SMAD3: variants seen among roughly 807,000 people sequenced by gnomAD.
The protein encoded by SMAD3 is SMAD family member 3.
A neutral mutation model predicts 51.8 loss-of-function variants in SMAD3; 12 were observed. That is an observed-to-expected ratio of 0.23 (90% CI 0.15 to 0.38). The LOEUF is 0.38. Among genes scored for constraint, SMAD3 ranks in the 10% least tolerant of loss-of-function variants. The probability of loss-of-function intolerance (pLI) is 1.00; values close to 1 mark genes in which losing one functional copy is unlikely to be tolerated. For missense variants in SMAD3, 294 were observed against 565.6 expected (o/e 0.52, Z 4.87); for synonymous variants, 238 against 227.7 (o/e 1.05, Z -0.41).
intron 1 of SMAD3, among the ~76,000 whole-genome samples, chr15:67,079,468 A>G (rs1291462999): frequency 6.6e-6 from 1 of 152,164 alleles, no homozygotes; most frequent in Non-Finnish European, 1.5e-5. Flanking sequence ...GCCTTGTACT[A>G]GAAGCTTAGG....
intron 1 of SMAD3, chr15:67,126,083 G>A: frequency 1.8e-6 from 1 of 549,396 alleles, no homozygotes; most frequent in Non-Finnish European, 2.3e-6. Flanking sequence ...GAGTCCTTAG[G>A]GAATTGCGTA....
At chr15:67,107,850 G>C (rs904745239) in intron 1 of SMAD3, among the ~76,000 whole-genome samples, 1 of 152,174 alleles carries the variant, frequency 6.6e-6, no homozygotes, top group Non-Finnish European at 1.5e-5. Context: ...AGGATTATCT[G>C]AGGCTTGAGG....
intron 1 of SMAD3, among the ~76,000 whole-genome samples, chr15:67,148,799 A>G (rs183160020): frequency 9.6e-4 from 146 of 152,332 alleles, no homozygotes; most frequent in African/African-American, 3.3e-3. Flanking sequence ...GGTACTATGA[A>G]GCTTACCAGT....
intron 1 of SMAD3, among the ~76,000 whole-genome samples, chr15:67,107,739 C>T (rs1318472382): frequency 2.0e-5 from 3 of 152,218 alleles, no homozygotes; most frequent in African/African-American, 7.2e-5. Context: ...CTCACCCTTC[C>T]CTTCCATAGG....
chr15:67,187,286 A>C, intron 7 of SMAD3, 79 bp from the exon 8 acceptor site: 3 of 1,566,486 alleles, frequency 1.9e-6, no homozygotes, highest in Non-Finnish European at 2.6e-6. Flanking sequence ...TAGGGGGTCC[A>C]GGACTTGCTT....
At position 67,181,183 on chromosome 15, in the gene SMAD3, C is replaced by T. The variant is rs940657791; in HGVS notation, c.659-58C>T. The T allele has an allele frequency of 3.0e-5, 40 of 1,318,942 alleles. 1 individual carries two copies. The highest frequency in any genetic ancestry group is 3.9e-5 in the Non-Finnish European group (36 of 921,056). The allele number at this position is 1,318,942 out of a possible 1,614,324, so 81.7% of individuals were successfully genotyped here. A position where few individuals can be genotyped will look rare whatever the true frequency, so the allele number is the denominator to read the frequency against. On this transcript the variant is annotated intron_variant, in intron 5 of 8. Transcript: ENST00000327367. ...TTCCAGAGTGTCCATGGGACCCCAT[C>T]GAGGGAGCATGGGGCTTGGGACACC... is the stretch of plus-strand genomic sequence containing the variant.
In SMAD3 at chr15:67,083,786, A is replaced by G. The variant is rs572779316; in HGVS notation, c.206+17426A>G. On this transcript the variant is annotated intron_variant, in intron 1 of 8. Coordinates refer to ENST00000327367, the MANE Select transcript of SMAD3 (RefSeq NM_005902.4). ...ATTTCTTCTTCTTTCTCCTCACACA[A>G]CCTACTCTGATGTTCATGATTACTG... Among the ~76,000 whole-genome samples the G allele has an allele frequency of 8.3e-4, 127 of 152,266 alleles. 1 individual carries two copies. The highest frequency in any genetic ancestry group is 2.3e-3 in the Admixed American group (35 of 15,294).
chr15:67,191,351 C>G lies in SMAD3; in HGVS notation c.*815C>G, dbSNP rs555675656. ...AGAGATTCGAATGACGGTAAGTGTTCTCATGAAGCAGGAGGCCCTTGTCGT... is the reference window on the plus strand; with the variant it reads ...AGAGATTCGAATGACGGTAAGTGTTGTCATGAAGCAGGAGGCCCTTGTCGT... On this transcript the variant is annotated 3_prime_UTR_variant, in exon 9 of 9. Coordinates refer to ENST00000327367, the MANE Select transcript of SMAD3 (RefSeq NM_005902.4). The G allele has an allele frequency of 2.1e-5, 5 of 233,326 alleles. No individual in the cohort carries two copies. The highest frequency in any genetic ancestry group is 6.6e-5 in the African/African-American group (3 of 45,354). The allele number at this position is 233,326 out of a possible 1,614,324, so 14.5% of individuals were successfully genotyped here. A position where few individuals can be genotyped will look rare whatever the true frequency, so the allele number is the denominator to read the frequency against.
chr15:67,149,315 G>T (rs1246570484), intron 1 of SMAD3, among the ~76,000 whole-genome samples: 1 of 152,212 alleles, frequency 6.6e-6, no homozygotes, highest in Non-Finnish European at 1.5e-5. Flanking sequence ...AGGAAGTGGG[G>T]GTGAGGTGGT....
intron 8 of SMAD3, among the ~76,000 whole-genome samples, chr15:67,188,156 T>C (rs1455321895): frequency 5.1e-4 from 74 of 145,626 alleles, no homozygotes; most frequent in African/African-American, 1.6e-3. Context: ...TTCTTTTTTT[T>C]TTTTTTTTTT....
intron 1 of SMAD3, among the ~76,000 whole-genome samples, chr15:67,130,208 CAGAG>C (rs1219174427): frequency 6.6e-6 from 1 of 152,192 alleles, no homozygotes; most frequent in African/African-American, 2.4e-5. Context: ...AACAGAAACT[CAGAG>C]AGGCCCAGCA....
chr15:67,146,650 T>C (rs537088144), intron 1 of SMAD3, among the ~76,000 whole-genome samples: 6 of 152,168 alleles, frequency 3.9e-5, no homozygotes, highest in Non-Finnish European at 7.3e-5. Flanking sequence ...TATTTTCCTT[T>C]GAGGACATCT....
chr15:67,108,621 C>G (rs550602308), intron 1 of SMAD3, among the ~76,000 whole-genome samples: 1 of 152,248 alleles, frequency 6.6e-6, no homozygotes, highest in South Asian at 2.1e-4. Flanking sequence ...TCTCACAGTC[C>G]CAGGCAGTGA....
At chr15:67,170,271 A>G (rs932629784) in intron 4 of SMAD3, among the ~76,000 whole-genome samples, 2 of 152,204 alleles carry the variant, frequency 1.3e-5, no homozygotes, top group African/African-American at 2.4e-5. Context: ...CTGAGCTGGG[A>G]GTCTTGGTTA....
chr15:67,159,812 G>A (rs1962379618), intron 1 of SMAD3, among the ~76,000 whole-genome samples: 1 of 152,148 alleles, frequency 6.6e-6, no homozygotes, highest in Non-Finnish European at 1.5e-5. Flanking sequence ...CTTTCACGCA[G>A]CATCATTAAT....
intron 5 of SMAD3, 120 bp from the exon 6 acceptor site, chr15:67,181,121 G>A: frequency 1.3e-6 from 1 of 779,056 alleles, no homozygotes; most frequent in Non-Finnish European, 2.2e-6. Flanking sequence ...CATGGGGTAG[G>A]GAGATTATAA....
At chr15:67,164,754 T>C (rs1962528674) in intron 1 of SMAD3, 141 bp from the exon 2 acceptor site, 3 of 903,948 alleles carry the variant, frequency 3.3e-6, no homozygotes, top group South Asian at 1.3e-5. Context: ...CTAGCAGTGC[T>C]CTGATCTCCT....
chr15:67,164,315 A>AG (rs1962513659), intron 1 of SMAD3, among the ~76,000 whole-genome samples: 2 of 63,524 alleles, frequency 3.1e-5, no homozygotes, highest in South Asian at 4.9e-4. Context: ...ACTCCGTCTC[A>AG]GAAAAAAAAA....
rs529315319 is a variant in SMAD3 at position 67,159,457 on chromosome 15, A to G, written c.207-5438A>G. Among the ~76,000 whole-genome samples, 8 of 152,304 alleles carry G rather than the reference A, an allele frequency of 5.3e-5. No homozygotes were observed. In the South Asian group the frequency reaches 1.0e-3, roughly 20 times the overall value. On this transcript the variant is annotated intron_variant, in intron 1 of 8. Coordinates refer to ENST00000327367, the MANE Select transcript of SMAD3 (RefSeq NM_005902.4). ...GTTAGCAAGTACTGAACCATTATTTAAACTGAGGCTTATTAAGTCCATTGC... is the reference window on the plus strand; with the variant it reads ...GTTAGCAAGTACTGAACCATTATTTGAACTGAGGCTTATTAAGTCCATTGC...
Sources: allele counts gnomAD v4.1 joint callset (sites outside exome capture counted in the v4.1 genomes callset), GRCh38; gene constraint gnomAD v4.1.1; transcripts MANE v1.5; gene names NCBI Gene and HGNC (gene_info 2026-07-23, HGNC 2026-07-21).